Variants in CEP72 observed in about 807,000 individuals in gnomAD.
The protein encoded by CEP72 is centrosomal protein 72, also known as centrosomal protein of 72 kDa.
CEP72 carries 78 observed loss-of-function variants against 65.7 expected under a neutral mutation model. That is an observed-to-expected ratio of 1.19 (90% CI 0.99 to 1.43). The LOEUF (loss-of-function observed/expected upper bound fraction) is 1.43. CEP72 is among the 40% of genes most tolerant of loss of function. The pLI, the probability that CEP72 is intolerant of heterozygous loss-of-function variation, is 0.00. For synonymous variants in CEP72, 358 were observed against 351.7 expected (o/e 1.02, Z -0.20); for missense variants, 914 against 832.9 (o/e 1.10, Z -1.20).
intron 1 of CEP72, 164 bp downstream of exon 1, chr5:612,607 C>T: frequency 1.0e-6 from 1 of 985,322 alleles, no homozygotes; most frequent in Non-Finnish European, 1.2e-6. Context: ...TCCAGGTGAG[C>T]GACCCACCCC....
chr5:622,774 C>A (rs540314553), intron 3 of CEP72, among the ~76,000 whole-genome samples: 2 of 125,610 alleles, frequency 1.6e-5, no homozygotes, highest in Admixed American at 1.5e-4. Flanking sequence ...GACACAGTGT[C>A]TGTTTCCAAA....
In CEP72 at chr5:645,470, A is replaced by G. The variant is rs1738355752; in HGVS notation, c.1666+1045A>G. On this transcript the variant is annotated intron_variant, in intron 10 of 11. Coordinates refer to ENST00000264935, the MANE Select transcript of CEP72 (RefSeq NM_018140.4). This position sits in a 1 kb window ranked among gnomAD's most constrained non-coding sequence, Gnocchi z 4.0. Reference sequence around the variant, plus strand: ...GTCGTAAAGGTGATGAGAAAAAAAAAAAAAAACAGTTCCCTGCCCGGGAGA... The same window carrying G: ...GTCGTAAAGGTGATGAGAAAAAAAAGAAAAAACAGTTCCCTGCCCGGGAGA... Among the ~76,000 whole-genome samples, 1 of 151,728 alleles carries G rather than the reference A, an allele frequency of 6.6e-6. No individual in the cohort carries two copies. Among genetic ancestry groups the G allele is most frequent in the Non-Finnish European group, 1.5e-5 (1 of 67,946 alleles).
At chr5:674,450 G>T in the CEP72 span, among the ~76,000 whole-genome samples, 1 of 151,084 alleles carries the variant, frequency 6.6e-6, no homozygotes, top group East Asian at 1.9e-4. Context: ...ACCTGCTTCT[G>T]CGTGGGCTAA....
intron 1 of CEP72, among the ~76,000 whole-genome samples, chr5:612,965 G>A (rs1435665785): frequency 6.6e-6 from 1 of 152,212 alleles, no homozygotes; most frequent in Non-Finnish European, 1.5e-5. Context: ...TAGAGTGTGT[G>A]CTCATTGTTT....
At chr5:618,605 C>G (rs1019441629) in intron 1 of CEP72, among the ~76,000 whole-genome samples, 2 of 150,870 alleles carry the variant, frequency 1.3e-5, no homozygotes, top group East Asian at 3.9e-4. Context: ...CAGCAGGGGC[C>G]GGGGGGAGTT....
intron 11 of CEP72, among the ~76,000 whole-genome samples, chr5:652,537 C>T (rs189826263): frequency 7.6e-4 from 116 of 152,338 alleles, no homozygotes; most frequent in Middle Eastern, 3.4e-3. Flanking sequence ...GCATTAAAGA[C>T]TAGGACTCTT....
At chr5:641,323 C>T in intron 9 of CEP72, 1 of 985,430 alleles carries the variant, frequency 1.0e-6, no homozygotes, top group Non-Finnish European at 1.2e-6. Flanking sequence ...AGAAGCCGCC[C>T]TCCGGGAGTC....
chr5:644,462 T>C (rs780877828), intron 10 of CEP72, 37 bp downstream of exon 10: 13 of 1,608,778 alleles, frequency 8.1e-6, no homozygotes, highest in Admixed American at 6.7e-5. Flanking sequence ...TTGTAAACTT[T>C]AGGTGTTCAA....
At chr5:633,977 G>T (rs1377033373) in intron 5 of CEP72, 30 bp downstream of exon 5, 2 of 1,601,640 alleles carry the variant, frequency 1.2e-6, no homozygotes, top group East Asian at 2.2e-5. Flanking sequence ...GGAGGCCAGT[G>T]GGTCCGCTGG....
chr5:671,224 GC>G (rs1490583941), downstream of CEP72, among the ~76,000 whole-genome samples: 1 of 151,598 alleles, frequency 6.6e-6, no homozygotes, highest in African/African-American at 2.4e-5. Context: ...TTGCGTTGCT[GC>G]CGGCCTTTTC....
chr5:633,310 C>T (rs551438540), intron 4 of CEP72, among the ~76,000 whole-genome samples: 4 of 120,616 alleles, frequency 3.3e-5, no homozygotes, highest in South Asian at 2.9e-4. Context: ...TGTTCAGTGC[C>T]GGGATTTGGC....
At chr5:672,932 A>T in the CEP72 span, among the ~76,000 whole-genome samples, 2 of 152,260 alleles carry the variant, frequency 1.3e-5, no homozygotes, top group African/African-American at 4.8e-5. Flanking sequence ...GGCAACGAGG[A>T]CTAAACAAAG....
intron 11 of CEP72, among the ~76,000 whole-genome samples, chr5:648,721 G>C (rs1033108491): frequency 2.9e-5 from 4 of 136,480 alleles, no homozygotes; most frequent in Non-Finnish European, 6.3e-5. Context: ...TGACTGTGAG[G>C]CGTGACTGTG....
At position 653,124 on chromosome 5, in the gene CEP72, G is replaced by A. The variant is rs184127657; in HGVS notation, c.1915G>A (p.Ala639Thr). The A allele has an allele frequency of 4.6e-5, 74 of 1,610,990 alleles. No individual in the cohort carries two copies. The highest frequency in any genetic ancestry group is 6.7e-5 in the African/African-American group (5 of 74,908). Reference protein sequence around the residue: ...KTMALFPHSSASHGGCQAC With the variant: ...KTMALFPHSSTSHGGCQAC ...CATGGCCCTGTTTCCACACAGCAGC[G>A]CCAGCCATGGAGGCTGCCAGGCCTG... The change falls in exon 12 of 12, where the codon GCC becomes ACC. Residue 639 changes from alanine to threonine, a missense_variant. Coordinates refer to ENST00000264935, the MANE Select transcript of CEP72 (RefSeq NM_018140.4).
At chr5:639,290 C>A in intron 8 of CEP72, 66 bp downstream of exon 8, 1 of 1,495,180 alleles carries the variant, frequency 6.7e-7, no homozygotes. Flanking sequence ...GGGTCCTCTG[C>A]GTGTGGTGAC....
rs1314681381 is a variant in CEP72 at position 619,006 on chromosome 5, G to A, written c.99G>A (p.Leu33=). Residue 33 remains leucine, a synonymous_variant, in exon 2 of 12, where the codon TTG becomes TTA. Coordinates refer to ENST00000264935, the MANE Select transcript of CEP72 (RefSeq NM_018140.4). ...PHRDLAELQS[L]SIPGTYQEKI... ...TATTCTTAGCTGAGCTTCAGTCATT[G>A]TCTATTCCTGGAACTTACCAAGAGA... 43 of 1,609,936 alleles carry A rather than the reference G, an allele frequency of 2.7e-5. No homozygotes were observed. Among genetic ancestry groups the A allele is most frequent in the Non-Finnish European group, 3.7e-5 (43 of 1,176,332 alleles).
At chr5:619,228 G>A (rs1401637223) in intron 2 of CEP72, 111 bp downstream of exon 2, 1 of 915,832 alleles carries the variant, frequency 1.1e-6, no homozygotes, top group Non-Finnish European at 1.7e-6. Flanking sequence ...TCTGTATACG[G>A]TACACTTTGT....
the CEP72 span, among the ~76,000 whole-genome samples, chr5:672,536 T>C: frequency 1.3e-5 from 2 of 152,246 alleles, no homozygotes; most frequent in African/African-American, 4.8e-5. Context: ...CTGAGCTAGA[T>C]GGACCCATAG....
At chr5:662,786 AC>A (rs1739690328) in intron 1 of CEP72, 1 of 152,434 alleles carries the variant, frequency 6.6e-6, no homozygotes, top group Non-Finnish European at 1.5e-5. Context: ...CTGTTTGGTG[AC>A]CACTCGTCCT....
Sources: gnomAD v4.1 joint callset for allele counts (sites outside exome capture counted in the v4.1 genomes callset) on GRCh38, gnomAD v4.1.1 for gene constraint, Gnocchi (gnomAD v3.1) non-coding constraint, MANE v1.5 for transcripts, NCBI Gene and HGNC (gene_info 2026-07-23, HGNC 2026-07-21) for gene names.